Variants in DNAH11 observed in about 807,000 individuals in gnomAD.
The protein encoded by DNAH11 is axonemal beta dynein heavy chain 11.
Under a neutral mutation model 526.0 loss-of-function variants are expected in DNAH11, and 442 were observed. That is an observed-to-expected ratio of 0.84 (90% CI 0.78 to 0.91). The LOEUF (loss-of-function observed/expected upper bound fraction) is 0.91, where lower values mean the gene tolerates loss of function less well. DNAH11 is among the 40% of genes least tolerant of loss of function. The pLI, the probability that DNAH11 is intolerant of heterozygous loss-of-function variation, is 0.00. For synonymous variants in DNAH11, 2,461 were observed against 1,935.9 expected (o/e 1.27, Z -7.12); for missense variants, 6,989 against 5,448.7 (o/e 1.28, Z -8.90).
chr7:21,703,995 A>G (rs1385385692), intron 37 of DNAH11, among the ~76,000 whole-genome samples: 1 of 152,204 alleles, frequency 6.6e-6, no homozygotes, highest in Non-Finnish European at 1.5e-5. Context: ...CTGCTTTTAA[A>G]ATCTTTAGCT....
rs1459134131 is a variant in DNAH11, at chr7:21,765,517, G to C, written c.9030G>C (p.Trp3010Cys). The C allele has an allele frequency of 1.2e-6, 2 of 1,611,678 alleles. No homozygotes were observed. Among genetic ancestry groups the C allele is most frequent in the Non-Finnish European group, 1.7e-6 (2 of 1,178,418 alleles). ...PAIVNCTAID[W>C]FHAWPQEALV... ...TAGTTAACTGCACGGCTATTGACTG[G>C]TTTCATGCGTGGCCGCAGGAGGCTC... The change falls in exon 55 of 82, where the codon TGG (tryptophan) becomes TGC (cysteine). Residue 3010 changes from tryptophan to cysteine, a missense_variant. Coordinates refer to ENST00000409508, the MANE Select transcript of DNAH11 (RefSeq NM_001277115.2).
intron 4 of DNAH11, among the ~76,000 whole-genome samples, chr7:21,560,777 A>T (rs555511136): frequency 2.0e-5 from 3 of 152,304 alleles, no homozygotes; most frequent in Admixed American, 6.5e-5. Flanking sequence ...TCACAGACAC[A>T]CCCAGGAACA....
Position 21,613,290 on chromosome 7 carries a change from ATAT to A in DNAH11, c.3853-1820_3853-1818del, listed in dbSNP as rs1445607984. 8.5e-5 allele frequency among the ~76,000 whole-genome samples: 13 copies of A among 152,178 alleles called. 1 individual carries two copies. Among genetic ancestry groups the A allele is most frequent in the East Asian group, 7.7e-4 (4 of 5,204 alleles). On this transcript the variant is annotated intron_variant, in intron 20 of 81. Transcript: ENST00000409508. ...CGCTTAGCAATACATTAATGTGAAA[ATAT>A]TATAAAAATTAGATTATTAAATAAA...
intron 45 of DNAH11, among the ~76,000 whole-genome samples, chr7:21,726,839 C>T (rs1439007578): frequency 6.0e-5 from 5 of 82,668 alleles, no homozygotes; most frequent in South Asian, 6.3e-4. Context: ...CCAGCCTGGG[C>T]GACAGAGCAA....
chr7:21,769,710 C>G (rs1332132041), intron 55 of DNAH11, among the ~76,000 whole-genome samples: 2 of 152,110 alleles, frequency 1.3e-5, no homozygotes, highest in Admixed American at 6.5e-5. Context: ...GTCTCAAACT[C>G]TTGACCTCGG....
At chr7:21,713,442 T>C (rs1369789324) in intron 42 of DNAH11, among the ~76,000 whole-genome samples, 1 of 152,194 alleles carries the variant, frequency 6.6e-6, no homozygotes, top group African/African-American at 2.4e-5. Flanking sequence ...TCTGTCCCTC[T>C]GTGACTGCAG....
At chr7:21,861,819 T>C (rs775165069) in intron 68 of DNAH11, 34 bp from the exon 69 acceptor site, 1 of 1,608,514 alleles carries the variant, frequency 6.2e-7, no homozygotes, top group Non-Finnish European at 8.5e-7. Flanking sequence ...AGGCACCAGT[T>C]GTCACATTTT....
rs1403894487 is a variant in DNAH11 at position 21,690,695 on chromosome 7, T to C, written c.5925-70T>C. 3.4e-6 allele frequency: 4 copies of C among 1,187,170 alleles called. No individual in the cohort carries two copies. The African/African-American group carries it at 4.6e-5, about 14-fold the overall frequency. 73.5% of individuals were successfully genotyped at this position (1,187,170 alleles called of 1,614,324 possible). On this transcript the variant is annotated intron_variant, in intron 34 of 81. Transcript: ENST00000409508. ...CCTAATAATTTGCATTTTGCAGTGG[T>C]TTGCATTTGTCAATGTGCATTCATA...
chr7:21,847,903 C>T (rs185779401), intron 66 of DNAH11, among the ~76,000 whole-genome samples: 90 of 152,172 alleles, frequency 5.9e-4, no homozygotes, highest in African/African-American at 2.0e-3. Flanking sequence ...CAGTGGCTCA[C>T]GCCTGTAATC....
At chr7:21,758,010 C>A (rs878908744) in intron 54 of DNAH11, among the ~76,000 whole-genome samples, 1 of 152,216 alleles carries the variant, frequency 6.6e-6, no homozygotes, top group Non-Finnish European at 1.5e-5. Context: ...TTCTCTTATG[C>A]AGATAGCCAT....
At chr7:21,812,039 T>C (rs554473725) in intron 63 of DNAH11, among the ~76,000 whole-genome samples, 22 of 152,154 alleles carry the variant, frequency 1.4e-4, no homozygotes, top group Non-Finnish European at 2.6e-4. Context: ...CGGGTGATTC[T>C]GATATCATCC....
rs566333670 is a variant in DNAH11, at chr7:21,626,108, A to G, written c.4500+6030A>G. Among the ~76,000 whole-genome samples, 114 of 152,296 alleles carry G rather than the reference A, an allele frequency of 7.5e-4. 1 individual carries two copies. Among genetic ancestry groups the G allele is most frequent in the African/African-American group, 2.6e-3 (108 of 41,576 alleles). Reference sequence around the variant, plus strand: ...TCTTCTAGATCTTTTGAAATACACAATAGATTATTGTAAACTGTAGCCACC... The same window carrying G: ...TCTTCTAGATCTTTTGAAATACACAGTAGATTATTGTAAACTGTAGCCACC... On this transcript the variant is annotated intron_variant, in intron 25 of 81. Transcript: ENST00000409508.
At chr7:21,603,697 A>G (rs1285571729) in intron 18 of DNAH11, among the ~76,000 whole-genome samples, 1 of 152,236 alleles carries the variant, frequency 6.6e-6, no homozygotes, top group Non-Finnish European at 1.5e-5. Context: ...AGATACATAC[A>G]TAACAAGATG....
intron 65 of DNAH11, among the ~76,000 whole-genome samples, chr7:21,827,679 T>C (rs538173626): frequency 5.3e-5 from 8 of 150,012 alleles, no homozygotes; most frequent in East Asian, 2.0e-4. Flanking sequence ...TAGAGGGAGA[T>C]GGCATTTTAT....
At chr7:21,699,698 T>C (rs981028590) in intron 36 of DNAH11, among the ~76,000 whole-genome samples, 5 of 152,106 alleles carry the variant, frequency 3.3e-5, no homozygotes, top group African/African-American at 9.7e-5. Flanking sequence ...TTAAAATCTT[T>C]TTTTAATGAG....
intron 54 of DNAH11, among the ~76,000 whole-genome samples, chr7:21,764,182 G>C (rs1485759298): frequency 6.7e-6 from 1 of 149,730 alleles, no homozygotes; most frequent in East Asian, 2.0e-4. Context: ...TAGATCTCAT[G>C]TTTTTTGACA....
At position 21,748,696 on chromosome 7, in the gene DNAH11, T is replaced by C. The variant is rs753221223; in HGVS notation, c.8627T>C (p.Val2876Ala). 8 of 1,613,382 alleles carry C rather than the reference T, an allele frequency of 5.0e-6. No individual in the cohort carries two copies. The South Asian group carries it at 8.8e-5, about 18-fold the overall frequency. The part of the protein sequence containing the change: ...RLAAYLRGLE[V>A]FQITLTEGYG... ...GCAGCTTACCTTCGTGGCCTTGAGG[T>C]CTTTCAGATCACTCTGACCGAGGGC... is the stretch of plus-strand genomic sequence containing the variant. The change falls in exon 52 of 82, where the codon GTC becomes GCC. Residue 2876 changes from valine (V) to alanine (A), a missense_variant. Physicochemically the swap from Val to Ala is moderately conservative, Grantham distance 64. Coordinates refer to ENST00000409508, the MANE Select transcript of DNAH11 (RefSeq NM_001277115.2).
chr7:21,670,522 CTTT>C (rs1299162342), intron 30 of DNAH11, among the ~76,000 whole-genome samples: 1 of 151,862 alleles, frequency 6.6e-6, no homozygotes, highest in Admixed American at 6.6e-5. Flanking sequence ...TCTTTTTGTT[CTTT>C]ATTTCCTTTT....
intron 65 of DNAH11, among the ~76,000 whole-genome samples, chr7:21,825,170 C>A (rs1055945741): frequency 1.8e-4 from 28 of 152,150 alleles, no homozygotes; most frequent in African/African-American, 6.5e-4. Flanking sequence ...CACACCGGGT[C>A]TATTACTGTG....
Sources: gnomAD v4.1 joint callset for allele counts (sites outside exome capture counted in the v4.1 genomes callset) on GRCh38, gnomAD v4.1.1 for gene constraint, MANE v1.5 for transcripts, NCBI Gene and HGNC (gene_info 2026-07-23, HGNC 2026-07-21) for gene names.